Variants in COL19A1 observed in about 807,000 individuals in gnomAD.
The protein encoded by COL19A1 is collagen type XIX alpha 1 chain.
In COL19A1, 159 loss-of-function variants were observed where a neutral mutation model predicts 190.2. That is an observed-to-expected ratio of 0.84 (90% CI 0.73 to 0.95). COL19A1 has a LOEUF of 0.95. Among genes scored for constraint, COL19A1 ranks in the 40% least tolerant of loss-of-function variants. The probability of loss-of-function intolerance (pLI) is 0.00; values close to 1 mark genes in which losing one functional copy is unlikely to be tolerated. For synonymous variants in COL19A1, 509 were observed against 458.9 expected, an observed-to-expected ratio of 1.11 and a Z score of -1.39; for missense variants, 1,418 against 1,431.9, an observed-to-expected ratio of 0.99 and a Z score of 0.16.
intron 16 of COL19A1, 34 bp from the exon 17 acceptor site, chr6:70,121,846 G>A (rs777878350): frequency 3.1e-6 from 4 of 1,295,026 alleles, no homozygotes; most frequent in South Asian, 1.3e-5. Flanking sequence ...TGGTAAATGT[G>A]TATATATTTG....
intron 49 of COL19A1, among the ~76,000 whole-genome samples, chr6:70,204,189 T>C (rs989207985): frequency 2.0e-5 from 3 of 152,160 alleles, no homozygotes; most frequent in African/African-American, 7.2e-5. Context: ...TATATGGAAA[T>C]ACATGTCTCT....
rs3805984 is a variant in COL19A1 at position 69,996,084 on chromosome 6, T to C, written c.1027-27543T>C. 2.4e-4 allele frequency among the ~76,000 whole-genome samples: 37 copies of C among 152,282 alleles called. No homozygotes were observed. In the East Asian group the frequency reaches 7.1e-3, roughly 29 times the overall value. ...ATCTCGATTCATCTTTGTGGCCTGA[T>C]GAGGTCATCATTTGAAAAGAATCTA... On this transcript the variant is annotated intron_variant, in intron 11 of 50. Coordinates refer to ENST00000620364, the MANE Select transcript of COL19A1 (RefSeq NM_001858.6).
chr6:70,204,441 G>A (rs535229244), intron 49 of COL19A1, among the ~76,000 whole-genome samples: 31 of 152,234 alleles, frequency 2.0e-4, no homozygotes, highest in African/African-American at 6.3e-4. Context: ...CAATTCAGTC[G>A]CTTTATCTAT....
chr6:70,185,016 A>T, intron 46 of COL19A1, 101 bp downstream of exon 46: 1 of 1,133,848 alleles, frequency 8.8e-7, no homozygotes. Flanking sequence ...GCAAATCACC[A>T]AATCTATAAA....
chr6:70,175,809 A>G (rs942262778), intron 41 of COL19A1, among the ~76,000 whole-genome samples: 53 of 152,296 alleles, frequency 3.5e-4, no homozygotes, highest in African/African-American at 1.3e-3. Context: ...ACACCTTTAC[A>G]ACATTGTCTT....
chr6:70,062,217 A>G (rs951247025), intron 14 of COL19A1, among the ~76,000 whole-genome samples: 3 of 152,130 alleles, frequency 2.0e-5, no homozygotes, highest in African/African-American at 7.2e-5. Context: ...AACTGATGAC[A>G]TATGCAGAAT....
chr6:70,033,859 T>C (rs1779202425), intron 12 of COL19A1, among the ~76,000 whole-genome samples: 1 of 152,120 alleles, frequency 6.6e-6, no homozygotes, highest in Non-Finnish European at 1.5e-5. Context: ...TACTCTTGAA[T>C]TTTTTTGGCA....
chr6:69,900,398 G>T lies in COL19A1; in HGVS notation c.266+60G>T, dbSNP rs567576463. The T allele has an allele frequency of 6.6e-6, 6 of 902,896 alleles. No homozygotes were observed. The East Asian group carries it at 1.5e-4, about 23-fold the overall frequency. 55.9% of individuals were successfully genotyped at this position (902,896 alleles called of 1,614,324 possible). ...TACTTCATAAATTATTTTCTAAAGAGATTTCAAATAATTTGTTTTAAAAAT... is the reference window on the plus strand; with the variant it reads ...TACTTCATAAATTATTTTCTAAAGATATTTCAAATAATTTGTTTTAAAAAT... On this transcript the variant is annotated intron_variant, in intron 4 of 50. Coordinates refer to ENST00000620364, the MANE Select transcript of COL19A1 (RefSeq NM_001858.6).
chr6:70,096,541 T>C (rs572766792), intron 15 of COL19A1, among the ~76,000 whole-genome samples: 32 of 152,226 alleles, frequency 2.1e-4, no homozygotes, highest in Non-Finnish European at 3.8e-4. Context: ...TAAGTACCAT[T>C]TTACATCAAT....
chr6:69,929,086 T>G (rs1300704350), intron 5 of COL19A1, among the ~76,000 whole-genome samples: 1 of 151,762 alleles, frequency 6.6e-6, no homozygotes, highest in East Asian at 1.9e-4. Context: ...TTATAAAATT[T>G]TATCTATAGT....
intron 15 of COL19A1, among the ~76,000 whole-genome samples, chr6:70,096,881 C>A (rs1167377782): frequency 4.6e-5 from 7 of 152,080 alleles, no homozygotes; most frequent in Admixed American, 2.6e-4. Context: ...CTCTGAACAG[C>A]CAAGCAGGTG....
intron 12 of COL19A1, 46 bp from the exon 13 acceptor site, chr6:70,034,199 A>G (rs1422106785): frequency 7.3e-7 from 1 of 1,362,916 alleles, no homozygotes; most frequent in Non-Finnish European, 1.1e-6. Context: ...CTTGTTAGAA[A>G]TTAAAGCTTT....
chr6:69,900,446 C>T lies in COL19A1; in HGVS notation c.266+108C>T, dbSNP rs539439614. 124 of 555,044 alleles carry T rather than the reference C, an allele frequency of 2.2e-4. 1 individual carries two copies. In the South Asian group the frequency reaches 2.3e-3, roughly 10 times the overall value. The allele number at this position is 555,044 out of a possible 1,614,324, so 34.4% of individuals were successfully genotyped here. ...AATAAAGTTTCTCAATAGCATCATCCTCACTGGAATGCAGTGGTAAACGTG... is the reference window on the plus strand; with the variant it reads ...AATAAAGTTTCTCAATAGCATCATCTTCACTGGAATGCAGTGGTAAACGTG... On this transcript the variant is annotated intron_variant, in intron 4 of 50. Coordinates refer to ENST00000620364, the MANE Select transcript of COL19A1 (RefSeq NM_001858.6).
chr6:70,025,692 T>G (rs1778696374), intron 12 of COL19A1, among the ~76,000 whole-genome samples: 1 of 152,382 alleles, frequency 6.6e-6, no homozygotes, highest in Admixed American at 6.5e-5. Context: ...AAAGACCATG[T>G]GTTGGAATCC....
intron 30 of COL19A1, among the ~76,000 whole-genome samples, chr6:70,150,991 C>T (rs1490914727): frequency 6.6e-6 from 1 of 152,124 alleles, no homozygotes; most frequent in Non-Finnish European, 1.5e-5. Context: ...TTATCTGGTA[C>T]TTTTCATATT....
intron 14 of COL19A1, among the ~76,000 whole-genome samples, chr6:70,052,671 A>T (rs1170372587): frequency 6.6e-6 from 1 of 152,192 alleles, no homozygotes; most frequent in Non-Finnish European, 1.5e-5. Context: ...ACCTTCATGT[A>T]TCAAAAATGT....
rs562884481 is a variant in COL19A1 at position 69,978,887 on chromosome 6, GA to G, written c.1026+16026del. 4.0e-5 allele frequency among the ~76,000 whole-genome samples: 6 copies of G among 149,214 alleles called. No individual in the cohort carries two copies. In the East Asian group the frequency reaches 7.8e-4, roughly 19 times the overall value. On this transcript the variant is annotated intron_variant, in intron 11 of 50. Transcript: ENST00000620364. ...TAGAAAAAAGACAAGCTAGAAATAA[GA>G]AAAAAAAATGACCACAGATAGTAGA...
intron 49 of COL19A1, 78 bp from the exon 50 acceptor site, chr6:70,206,823 C>T: frequency 8.2e-7 from 1 of 1,216,822 alleles, no homozygotes; most frequent in Admixed American, 2.4e-5. Flanking sequence ...ATCACAGACT[C>T]AGAAAATGGT....
At chr6:69,921,534 G>GTATATTCATA (rs1771930296) in intron 4 of COL19A1, among the ~76,000 whole-genome samples, 2 of 58,108 alleles carry the variant, frequency 3.4e-5, no homozygotes, top group Non-Finnish European at 6.2e-5. Context: ...ATATATTCAT[G>GTATATTCATA]TATATTCATA....
Sources: gnomAD v4.1 joint callset for allele counts (sites outside exome capture counted in the v4.1 genomes callset) on GRCh38, gnomAD v4.1.1 for gene constraint, MANE v1.5 for transcripts, NCBI Gene and HGNC (gene_info 2026-07-23, HGNC 2026-07-21) for gene names.